Variants in MTA1 observed in about 807,000 individuals in gnomAD.
MTA1 encodes the protein metastasis-associated protein MTA1.
In MTA1, 15 loss-of-function variants were observed where a neutral mutation model predicts 97.0. The ratio of observed to expected loss-of-function variants is 0.15; its 90% confidence interval spans 0.10 to 0.24. MTA1 has a LOEUF of 0.24. Among genes scored for constraint, MTA1 ranks in the 10% least tolerant of loss-of-function variants. MTA1 has a pLI of 1.00. For missense variants in MTA1, 709 were observed against 1,015.1 expected (o/e 0.70, Z 4.10); for synonymous variants, 435 against 417.5 (o/e 1.04, Z -0.51).
At chr14:105,445,322 C>T (rs782286800) in intron 2 of MTA1, 96 bp from the exon 3 acceptor site, 7 of 1,101,768 alleles carry the variant, frequency 6.4e-6, no homozygotes, top group Non-Finnish European at 9.5e-6. Flanking sequence ...CACCTGCAGT[C>T]CCTGGACGGC....
chr14:105,464,265 G>T (rs2083474859), intron 13 of MTA1, 118 bp downstream of exon 13: 1 of 1,409,516 alleles, frequency 7.1e-7, no homozygotes, highest in Non-Finnish European at 9.7e-7. Flanking sequence ...GACGATGGGG[G>T]CTGCGTCCCA....
intron 18 of MTA1, chr14:105,467,011 T>TGCGCTGTCTGCCATC: frequency 3.6e-6 from 2 of 555,672 alleles, no homozygotes; most frequent in Non-Finnish European, 6.4e-6. Flanking sequence ...CGCCCCTGCC[T>TGCGCTGTCTGCCATC]GCGCTGTCTG....
At chr14:105,451,783 G>GTTTTTTTT (rs869240296) in intron 6 of MTA1, among the ~76,000 whole-genome samples, 22 of 31,366 alleles carry the variant, frequency 7.0e-4, no homozygotes, top group Admixed American at 1.1e-3. Flanking sequence ...TTCTTTTTTT[G>GTTTTTTTT]TTTTTTTTTT....
rs933280914 is a variant in MTA1, at chr14:105,438,743, C to A, written c.96+4C>A. 1 of 1,612,516 alleles carries A rather than the reference C, an allele frequency of 6.2e-7. No individual in the cohort carries two copies. Among genetic ancestry groups the A allele is most frequent in the Non-Finnish European group, 8.5e-7 (1 of 1,179,786 alleles). On this transcript the variant is annotated splice_donor_region_variant and intron_variant, in intron 2 of 20. Transcript: ENST00000331320. ...GAGAATCGAGGAGCTCAACAAGGTACTGGGGGGCCCTGGTGTTGCTGCAGG... is the reference window on the plus strand; with the variant it reads ...GAGAATCGAGGAGCTCAACAAGGTAATGGGGGGCCCTGGTGTTGCTGCAGG...
At chr14:105,449,435 G>T in intron 4 of MTA1, 26 bp downstream of exon 4, 1 of 1,606,782 alleles carries the variant, frequency 6.2e-7, no homozygotes. Flanking sequence ...CGCAAGGAGG[G>T]CGTCCTCCTG....
At chr14:105,439,472 T>C (rs1555425191) in intron 2 of MTA1, among the ~76,000 whole-genome samples, 1 of 152,120 alleles carries the variant, frequency 6.6e-6, no homozygotes, top group Non-Finnish European at 1.5e-5. Context: ...ACAGCCTCCG[T>C]CCCATCAGCT....
chr14:105,425,015 G>A (rs1398147951), intron 1 of MTA1, among the ~76,000 whole-genome samples: 4 of 152,222 alleles, frequency 2.6e-5, no homozygotes, highest in Non-Finnish European at 4.4e-5. Context: ...CCCCAGCTGC[G>A]CATCTGGACG....
At chr14:105,436,457 T>C (rs1595299862) in intron 1 of MTA1, among the ~76,000 whole-genome samples, 1 of 152,388 alleles carries the variant, frequency 6.6e-6, no homozygotes, top group East Asian at 1.9e-4. Flanking sequence ...AAGTCCATAG[T>C]CATGTTGTTG....
chr14:105,446,463 A>G (rs1218464969), intron 3 of MTA1, among the ~76,000 whole-genome samples: 2 of 152,098 alleles, frequency 1.3e-5, no homozygotes, highest in African/African-American at 2.4e-5. Context: ...GGTGAGGTCC[A>G]GGGACTGTGG....
At chr14:105,449,515 G>A in intron 4 of MTA1, 106 bp downstream of exon 4, 3 of 1,283,270 alleles carry the variant, frequency 2.3e-6, no homozygotes, top group Non-Finnish European at 3.2e-6. Flanking sequence ...CTGCATGCCT[G>A]TGCCCTGCGC....
At chr14:105,433,711 C>T (rs781919694) in intron 1 of MTA1, among the ~76,000 whole-genome samples, 1 of 152,128 alleles carries the variant, frequency 6.6e-6, no homozygotes, top group Non-Finnish European at 1.5e-5. Context: ...ATGGATGCAC[C>T]TTTGTTGTTG....
intron 19 of MTA1, 136 bp from the exon 20 acceptor site, chr14:105,469,705 G>A: frequency 1.5e-6 from 2 of 1,349,812 alleles, no homozygotes; most frequent in Admixed American, 2.2e-5. Flanking sequence ...GGCTGCCCTG[G>A]GCCAGGCTGG....
chr14:105,463,468 C>G lies in MTA1; in HGVS notation c.1018-25C>G. ...CCCAACCTGGGCCTAGCCTGCTGAC[C>G]TCTGACCTTCTCTTTTGTTTTAAGA... On this transcript the variant is annotated intron_variant, in intron 11 of 20. Transcript: ENST00000331320. This position sits in a 1 kb window ranked among gnomAD's most constrained non-coding sequence, Gnocchi z 5.9. 2 of 1,612,942 alleles carry G rather than the reference C, an allele frequency of 1.2e-6. No individual in the cohort carries two copies. The highest frequency in any genetic ancestry group is 1.7e-6 in the Non-Finnish European group (2 of 1,179,792).
rs2083515709 is a variant in MTA1, at chr14:105,465,126, C to T, written c.1567C>T (p.Pro523Ser). The change falls in exon 16 of 21, where the codon CCG becomes TCG. Residue 523 changes from proline (P) to serine (S), a missense_variant. Transcript: ENST00000331320. ...TARLPEASQSPLVLKQAVRKP... is the reference protein window; with the variant it reads ...TARLPEASQSSLVLKQAVRKP... ...GCGGCTGCCCGAAGCCTCCCAGAGC[C>T]CGCTGGTGCTGAAGCAGGCGGTACG... 2 of 1,524,408 alleles carry T rather than the reference C, an allele frequency of 1.3e-6. No individual in the cohort carries two copies. The highest frequency in any genetic ancestry group is 1.8e-6 in the Non-Finnish European group (2 of 1,131,780). 94.4% of individuals were successfully genotyped at this position (1,524,408 alleles called of 1,614,324 possible).
At chr14:105,456,736 C>T (rs2083167873) in intron 7 of MTA1, among the ~76,000 whole-genome samples, 1 of 152,230 alleles carries the variant, frequency 6.6e-6, no homozygotes, top group South Asian at 2.1e-4. Context: ...CACACCAAGG[C>T]TCAGCTTCTT....
At chr14:105,451,172 C>T (rs781947100) in intron 6 of MTA1, among the ~76,000 whole-genome samples, 13 of 152,206 alleles carry the variant, frequency 8.5e-5, no homozygotes, top group Non-Finnish European at 1.6e-4. Flanking sequence ...TCATCTCTGT[C>T]GTGGCCATCG....
Position 105,420,450 on chromosome 14 carries a change from G to C in MTA1, c.28+387G>C, listed in dbSNP as rs1283585794. ...GTCTGGGAGCAGGAGTTTTGGGGCTGTGGGGTCTCCCCCGGCCCGCGGCCC... is the reference window on the plus strand; with the variant it reads ...GTCTGGGAGCAGGAGTTTTGGGGCTCTGGGGTCTCCCCCGGCCCGCGGCCC... On this transcript the variant is annotated intron_variant, in intron 1 of 20. Coordinates refer to ENST00000331320, the MANE Select transcript of MTA1 (RefSeq NM_004689.4). The surrounding 1 kb of genome is among the most constrained non-coding windows in gnomAD (Gnocchi z 5.3). Among the ~76,000 whole-genome samples the C allele has an allele frequency of 3.3e-5, 5 of 152,070 alleles. No homozygotes were observed. The highest frequency in any genetic ancestry group is 1.3e-4 in the Admixed American group (2 of 15,278).
chr14:105,426,999 TG>T (rs1479497232), intron 1 of MTA1, among the ~76,000 whole-genome samples: 1 of 152,214 alleles, frequency 6.6e-6, no homozygotes, highest in Non-Finnish European at 1.5e-5. Context: ...GACCTGGCTG[TG>T]GGTGAGCTCA....
Position 105,469,549 on chromosome 14 carries a change from C to CTGGG in MTA1, c.1845+52_1845+55dup, listed in dbSNP as rs781998274. The CTGGG allele has an allele frequency of 4.4e-6, 7 of 1,600,122 alleles. No individual in the cohort carries two copies. In the Admixed American group the frequency reaches 1.2e-4, roughly 27 times the overall value. ...TACGGTGCGCTCACCCATGAGCTCT[C>CTGGG]TGGGGTGTTGGGAAGAGGCCTGGCC... is the stretch of plus-strand genomic sequence containing the variant. On this transcript the variant is annotated intron_variant, in intron 19 of 20. Coordinates refer to ENST00000331320, the MANE Select transcript of MTA1 (RefSeq NM_004689.4).
Sources: allele counts gnomAD v4.1 joint callset (sites outside exome capture counted in the v4.1 genomes callset), GRCh38; gene constraint gnomAD v4.1.1; non-coding constraint Gnocchi (gnomAD v3.1); transcripts MANE v1.5; gene names NCBI Gene and HGNC (gene_info 2026-07-23, HGNC 2026-07-21).